The following ZNF654 variants were observed in gnomAD, a reference collection of about 807,000 sequenced individuals.
The protein encoded by ZNF654 is melanoma-associated antigen.
Under a neutral mutation model 95.3 loss-of-function variants are expected in ZNF654, and 19 were observed. The observed-to-expected ratio is 0.20, with a 90% CI of 0.14 to 0.29. ZNF654 has a LOEUF of 0.29. Ranked by LOEUF, ZNF654 falls within the 10% of genes least tolerant of loss-of-function variation. The pLI is 1.00. For missense variants in ZNF654, 1,046 were observed against 1,341.0 expected, an observed-to-expected ratio of 0.78 and a Z score of 3.44; for synonymous variants, 413 against 457.9, an observed-to-expected ratio of 0.90 and a Z score of 1.25.
chr3:88,079,090 A>G (rs539778291), intron 1 of ZNF654, among the ~76,000 whole-genome samples: 1 of 152,224 alleles, frequency 6.6e-6, no homozygotes, highest in East Asian at 1.9e-4. Context: ...TCAACTATAA[A>G]AAGTTATTGG....
intron 1 of ZNF654, among the ~76,000 whole-genome samples, chr3:88,085,902 TTTTC>T (rs1010262419): frequency 1.3e-5 from 2 of 152,180 alleles, no homozygotes; most frequent in Non-Finnish European, 2.9e-5. Context: ...TCGTTTCTAA[TTTTC>T]TTTATTACTA....
At chr3:88,135,023 C>CT (rs1396315301) in intron 6 of ZNF654, 38 bp from the exon 7 acceptor site, 4 of 1,309,856 alleles carry the variant, frequency 3.1e-6, no homozygotes, top group Non-Finnish European at 3.9e-6. Context: ...TTTGAATAAA[C>CT]TGTATTTTTG....
intron 6 of ZNF654, among the ~76,000 whole-genome samples, chr3:88,130,987 AG>A (rs1706424076): frequency 6.6e-6 from 1 of 152,178 alleles, no homozygotes; most frequent in Non-Finnish European, 1.5e-5. Flanking sequence ...CTTTATATAC[AG>A]TTATGCAGCA....
At chr3:88,095,872 C>T (rs1704028765) in intron 2 of ZNF654, 3 of 451,680 alleles carry the variant, frequency 6.6e-6, no homozygotes, top group Non-Finnish European at 8.5e-6. Flanking sequence ...AGATACTCCA[C>T]TTGCCACTTA....
chr3:88,079,294 T>C, intron 1 of ZNF654, among the ~76,000 whole-genome samples: 1 of 152,044 alleles, frequency 6.6e-6, no homozygotes, highest in South Asian at 2.1e-4. Flanking sequence ...CACAAACAGA[T>C]ATGCTAATGA....
Position 88,138,728 on chromosome 3 carries a change from T to A in ZNF654, c.1059T>A (p.Ile353=). The A allele has an allele frequency of 8.1e-7, 1 of 1,231,958 alleles. No individual in the cohort carries two copies. The highest frequency in any genetic ancestry group is 4.1e-5 in the South Asian group (1 of 24,318). The allele number at this position is 1,231,958 out of a possible 1,614,324, so 76.3% of individuals were successfully genotyped here. A position where few individuals can be genotyped will look rare whatever the true frequency, so the allele number is the denominator to read the frequency against. The change falls in exon 8 of 9, where the codon ATT becomes ATA. Residue 353 remains isoleucine (I), a synonymous_variant. Coordinates refer to ENST00000636215, the MANE Select transcript of ZNF654 (RefSeq NM_001350134.2). Reference sequence around the variant, plus strand: ...AGGTTGAAGAAGAAGGCTTGCAAATTTGTGTTGAAATATGTGGTTGTGCTC... The same window carrying A: ...AGGTTGAAGAAGAAGGCTTGCAAATATGTGTTGAAATATGTGGTTGTGCTC... ...KDEVEEEGLQ[I]CVEICGCALQ...
At chr3:88,097,490 C>T (rs1183720270) in intron 2 of ZNF654, among the ~76,000 whole-genome samples, 2 of 152,098 alleles carry the variant, frequency 1.3e-5, no homozygotes, top group African/African-American at 4.8e-5. Flanking sequence ...ACCTAACAGA[C>T]ATCTACTGAA....
At chr3:88,061,815 G>T (rs1354769047) in intron 1 of ZNF654, among the ~76,000 whole-genome samples, 4 of 152,134 alleles carry the variant, frequency 2.6e-5, no homozygotes, top group Non-Finnish European at 5.9e-5. Flanking sequence ...TTTTATTAGT[G>T]AATGACTTAA....
Position 88,140,225 on chromosome 3 carries a change from T to A in ZNF654, c.2556T>A (p.His852Gln). The A allele has an allele frequency of 6.2e-7, 1 of 1,612,138 alleles. No homozygotes were observed. Among genetic ancestry groups the A allele is most frequent in the Non-Finnish European group, 8.5e-7 (1 of 1,179,128 alleles). ...CTCAGTGTAGTTTTCCAGAATGCCA[T>A]GAGCTTTTTGAAGATCTTCCTCTGC... ...FQAQCSFPEC[H>Q]ELFEDLPLLY... Residue 852 changes from histidine (H) to glutamine (Q), a missense_variant, in exon 8 of 9, where the codon CAT becomes CAA. Coordinates refer to ENST00000636215, the MANE Select transcript of ZNF654 (RefSeq NM_001350134.2).
At chr3:88,082,542 T>A (rs1708133904) in intron 1 of ZNF654, among the ~76,000 whole-genome samples, 1 of 152,238 alleles carries the variant, frequency 6.6e-6, no homozygotes, top group Admixed American at 6.5e-5. Context: ...TGAAAGTTGA[T>A]GACAATGGGA....
intron 2 of ZNF654, among the ~76,000 whole-genome samples, chr3:88,091,456 A>AT (rs1260216137): frequency 3.3e-5 from 5 of 152,216 alleles, no homozygotes; most frequent in African/African-American, 1.2e-4. Flanking sequence ...GCCTATTGGA[A>AT]TTTTTTCCCT....
chr3:88,131,212 CAT>C (rs1362511629), intron 6 of ZNF654, among the ~76,000 whole-genome samples: 2 of 152,136 alleles, frequency 1.3e-5, no homozygotes, highest in Non-Finnish European at 2.9e-5. Context: ...TCTATGCAGA[CAT>C]ATCTAAATAT....
intron 6 of ZNF654, among the ~76,000 whole-genome samples, chr3:88,133,111 AT>A (rs1239659707): frequency 1.3e-5 from 2 of 152,306 alleles, no homozygotes; most frequent in East Asian, 3.9e-4. Context: ...AGTTGAGAAC[AT>A]TCCAGAGATT....
At chr3:88,097,696 C>T (rs1433420209) in intron 2 of ZNF654, among the ~76,000 whole-genome samples, 1 of 152,176 alleles carries the variant, frequency 6.6e-6, no homozygotes, top group Non-Finnish European at 1.5e-5. Context: ...AACCGCTCAA[C>T]TACATGGGAA....
chr3:88,139,807 A>G lies in ZNF654; in HGVS notation c.2138A>G (p.Asp713Gly). ...GATGAAGAAGGTGATTATGAAGAAG[A>G]TGATTATGACCTGAATCAAGAAACT... is the stretch of plus-strand genomic sequence containing the variant. ...EEDEEGDYEE[D>G]DYDLNQETSV... The change falls in exon 8 of 9, where the codon GAT becomes GGT. Residue 713 changes from aspartate (D) to glycine (G), a missense_variant. Around this residue, in one of 9 missense-constraint regions of ZNF654, gnomAD observed 495 missense variants for 537.0 expected, o/e 0.92. Coordinates refer to ENST00000636215, the MANE Select transcript of ZNF654 (RefSeq NM_001350134.2). 1.9e-6 allele frequency: 3 copies of G among 1,559,156 alleles called. No individual in the cohort carries two copies. The highest frequency in any genetic ancestry group is 1.2e-5 in the South Asian group (1 of 85,146).
chr3:88,097,458 A>C (rs977414994), intron 2 of ZNF654, among the ~76,000 whole-genome samples: 18 of 152,082 alleles, frequency 1.2e-4, no homozygotes, highest in African/African-American at 2.4e-5. Context: ...CTGGGACTTG[A>C]ACTCAGCTCT....
chr3:88,105,998 T>G (rs1349574050), intron 2 of ZNF654, among the ~76,000 whole-genome samples: 2 of 152,204 alleles, frequency 1.3e-5, no homozygotes, highest in Non-Finnish European at 2.9e-5. Flanking sequence ...TGATCTAGCC[T>G]TCTTCCTCTC....
At chr3:88,128,157 T>G (rs560924877) in intron 4 of ZNF654, among the ~76,000 whole-genome samples, 5 of 152,254 alleles carry the variant, frequency 3.3e-5, no homozygotes, top group South Asian at 2.1e-4. Flanking sequence ...ATCATAAGGT[T>G]GTTGTTAGGT....
rs373817082 is a variant in ZNF654, at chr3:88,076,567, CTGTTT to C, written c.187-9668_187-9664del. Among the ~76,000 whole-genome samples, 42 of 152,130 alleles carry C rather than the reference CTGTTT, an allele frequency of 2.8e-4. No individual in the cohort carries two copies. The East Asian group carries it at 4.6e-3, about 17-fold the overall frequency. ...CCACTGTTAATTGTGAGTGCATCAT[CTGTTT>C]TGTTTTGTTTTGTTTTGTTTTAAAC... On this transcript the variant is annotated intron_variant, in intron 1 of 8. Coordinates refer to ENST00000636215, the MANE Select transcript of ZNF654 (RefSeq NM_001350134.2).
Sources: gnomAD v4.1 joint callset for allele counts (sites outside exome capture counted in the v4.1 genomes callset) on GRCh38, gnomAD v4.1.1 for gene constraint, gnomAD v4.1.1 regional missense constraint, MANE v1.5 for transcripts, NCBI Gene and HGNC (gene_info 2026-07-23, HGNC 2026-07-21) for gene names.